The following TKTL1 variants were observed in gnomAD, a reference collection of about 807,000 sequenced individuals.
TKTL1 encodes the protein transketolase like 1.
Under a neutral mutation model 39.3 loss-of-function variants are expected in TKTL1, and 1 was observed. That is an observed-to-expected ratio of 0.03 (90% CI 0.01 to 0.12). The LOEUF is 0.12. Ranked by LOEUF, TKTL1 falls within the 10% of genes least tolerant of loss-of-function variation. The pLI, the probability that TKTL1 is intolerant of heterozygous loss-of-function variation, is 1.00. For synonymous variants in TKTL1, 262 were observed against 193.8 expected (o/e 1.35, Z -2.92); for missense variants, 575 against 509.6 (o/e 1.13, Z -1.24).
chrX:154,314,590 A>G (rs888668564), intron 6 of TKTL1, among the ~76,000 whole-genome samples: 18 of 111,011 alleles, frequency 1.6e-4, no homozygotes, highest in Middle Eastern at 4.6e-3. Flanking sequence ...CAGTGGTGCA[A>G]TCTCGGCTCA....
intron 8 of TKTL1, among the ~76,000 whole-genome samples, chrX:154,322,021 G>A (rs111836795): frequency 0.015 from 1,658 of 110,308 alleles, 28 homozygotes; most frequent in African/African-American, 0.051. Flanking sequence ...AAGGCTGGGC[G>A]CAGTGGCTCA....
chrX:154,316,796 C>T (rs782521393), intron 7 of TKTL1, among the ~76,000 whole-genome samples: 1 of 101,656 alleles, frequency 9.8e-6, no homozygotes, highest in Admixed American at 1.1e-4. Context: ...GATGGAGTCT[C>T]TCTCTCTCTC....
At chrX:154,298,967 C>T (rs2067251682) in intron 1 of TKTL1, among the ~76,000 whole-genome samples, 1 of 109,625 alleles carries the variant, frequency 9.1e-6, no homozygotes, top group Non-Finnish European at 1.9e-5. Flanking sequence ...GCTTCGGCTC[C>T]CAAAGTGCTG....
intron 1 of TKTL1, among the ~76,000 whole-genome samples, chrX:154,300,366 T>C (rs1252893205): frequency 8.9e-6 from 1 of 112,469 alleles, no homozygotes; most frequent in Non-Finnish European, 1.9e-5. Flanking sequence ...CTTTGGGCAG[T>C]ATGGCCATTT....
chrX:154,312,014 T>C (rs1314372801), intron 5 of TKTL1, among the ~76,000 whole-genome samples: 3 of 110,851 alleles, frequency 2.7e-5, no homozygotes, highest in Non-Finnish European at 3.8e-5. Flanking sequence ...CTGGCCTCCC[T>C]CCACACCAGT....
chrX:154,306,751 T>A (rs2067317920), intron 2 of TKTL1, among the ~76,000 whole-genome samples: 1 of 109,727 alleles, frequency 9.1e-6, no homozygotes, highest in African/African-American at 3.3e-5. Flanking sequence ...ATCTTCCCAT[T>A]TCAGCCTCTT....
At position 154,315,254 on chromosome X, in the gene TKTL1, A is replaced by G; in HGVS notation, c.946A>G (p.Thr316Ala). 4 of 1,211,031 alleles carry G rather than the reference A, an allele frequency of 3.3e-6. No homozygotes were observed. Among genetic ancestry groups the G allele is most frequent in the East Asian group, 3.0e-5 (1 of 33,828 alleles). The change falls in exon 7 of 13, where the codon ACC becomes GCC. Residue 316 changes from threonine (T) to alanine (A), a missense_variant. Thr to Ala is a moderately conservative substitution (Grantham distance 58). Transcript: ENST00000369915. ...NNRVVVLDGD[T>A]RYSTFSEIFN... ...CAGAGTCGTTGTGCTGGATGGTGAC[A>G]CCAGGTACTCTACTTTCTCTGAGAT...
At chrX:154,297,886 G>A (rs1001155241) in intron 1 of TKTL1, among the ~76,000 whole-genome samples, 14 of 112,061 alleles carry the variant, frequency 1.2e-4, no homozygotes, top group Non-Finnish European at 2.4e-4. Context: ...GGGAACAGAG[G>A]AAGCGAGACC....
chrX:154,327,793 T>C (rs1454172056), intron 11 of TKTL1, 46 bp from the exon 12 acceptor site: 3 of 1,209,999 alleles, frequency 2.5e-6, no homozygotes, highest in Non-Finnish European at 3.4e-6. Context: ...CTGCATGTTA[T>C]TCTGAGTCTC....
At chrX:154,320,624 G>A in intron 7 of TKTL1, 133 bp from the exon 8 acceptor site, 2 of 665,882 alleles carry the variant, frequency 3.0e-6, no homozygotes, top group East Asian at 3.2e-5. Context: ...AAAGAGGGGT[G>A]TGGGAAGGAC....
chrX:154,327,404 G>A (rs915044956), intron 10 of TKTL1, 187 bp from the exon 11 acceptor site: 3 of 563,316 alleles, frequency 5.3e-6, no homozygotes, highest in African/African-American at 4.5e-5. Flanking sequence ...GACAGCTGGA[G>A]CAGTGTAATT....
At chrX:154,304,942 A>G (rs1217373246) in intron 1 of TKTL1, 34 of 886,071 alleles carry the variant, frequency 3.8e-5, no homozygotes, top group Non-Finnish European at 4.8e-5. Context: ...AGAAGGTAGA[A>G]TGGGATCTTC....
chrX:154,309,855 C>T (rs782351524), intron 3 of TKTL1, among the ~76,000 whole-genome samples: 5 of 110,556 alleles, frequency 4.5e-5, no homozygotes, highest in Admixed American at 3.8e-4. Context: ...CTGCCTCAGC[C>T]TCCTGAGTAG....
At chrX:154,298,085 G>A (rs1557165051) in intron 1 of TKTL1, among the ~76,000 whole-genome samples, 1 of 111,436 alleles carries the variant, frequency 9.0e-6, no homozygotes, top group Non-Finnish European at 1.9e-5. Context: ...AGTTTTGTGA[G>A]GCTTTCTGTT....
At chrX:154,311,876 C>G (rs782047808) in intron 5 of TKTL1, among the ~76,000 whole-genome samples, 7 of 111,093 alleles carry the variant, frequency 6.3e-5, no homozygotes, top group African/African-American at 2.3e-4. Context: ...GTTGTCCTTG[C>G]CTCTGCCTCC....
chrX:154,296,432 A>G, intron 1 of TKTL1, among the ~76,000 whole-genome samples: 1 of 110,898 alleles, frequency 9.0e-6, no homozygotes, highest in Non-Finnish European at 1.9e-5. Context: ...AGCGACTCTA[A>G]CCCAGGATGT....
chrX:154,298,483 A>T (rs2148797641), intron 1 of TKTL1, among the ~76,000 whole-genome samples: 1 of 112,308 alleles, frequency 8.9e-6, no homozygotes, highest in East Asian at 2.8e-4. Flanking sequence ...AGGCCGAGGC[A>T]GCTGGATCAC....
rs1557167020 is a variant in TKTL1 at position 154,305,367 on chromosome X, G to A, written c.198G>A (p.Arg66=). ...CTGTGCTGTTCTTCTACATCATGAG[G>A]TACAAGCAGTCAGATCCAGAGAATC... ...IMSVLFFYIM[R]YKQSDPENPD... is the part of the protein sequence containing the mutation. The change falls in exon 2 of 13, where the codon AGG becomes AGA. Residue 66 remains arginine (R), a synonymous_variant. Coordinates refer to ENST00000369915, the MANE Select transcript of TKTL1 (RefSeq NM_012253.4). The A allele has an allele frequency of 1.7e-6, 2 of 1,210,628 alleles. No homozygotes were observed. Among genetic ancestry groups the A allele is most frequent in the Admixed American group, 2.2e-5 (1 of 45,995 alleles).
chrX:154,305,005 C>G, intron 1 of TKTL1: 1 of 1,048,553 alleles, frequency 9.5e-7, no homozygotes, highest in Non-Finnish European at 1.3e-6. Flanking sequence ...TGTGGAAAGG[C>G]CACAGATGAA....
Sources: gnomAD v4.1 joint callset for allele counts (sites outside exome capture counted in the v4.1 genomes callset) on GRCh38, gnomAD v4.1.1 for gene constraint, MANE v1.5 for transcripts, NCBI Gene and HGNC (gene_info 2026-07-23, HGNC 2026-07-21) for gene names.